The following NALF1 variants were observed in gnomAD, a reference collection of about 807,000 sequenced individuals.
NALF1 encodes the protein NALCN channel auxiliary factor 1.
NALF1 carries 3 observed loss-of-function variants against 48.4 expected under a neutral mutation model. That is an observed-to-expected ratio of 0.06 (90% CI 0.03 to 0.16). The LOEUF is 0.16. NALF1 is among the 10% of genes least tolerant of loss of function. The pLI is 1.00. For synonymous variants in NALF1, 262 were observed against 245.7 expected, an observed-to-expected ratio of 1.07 and a Z score of -0.62; for missense variants, 526 against 571.5, an observed-to-expected ratio of 0.92 and a Z score of 0.81.
chr13:107,738,053 T>C (rs970498685), intron 1 of NALF1, among the ~76,000 whole-genome samples: 1 of 152,170 alleles, frequency 6.6e-6, no homozygotes, highest in African/African-American at 2.4e-5. Flanking sequence ...AACACGGCTC[T>C]TTGCAGTCAG....
chr13:107,223,598 A>C (rs1171215747), intron 1 of NALF1, among the ~76,000 whole-genome samples: 1 of 152,238 alleles, frequency 6.6e-6, no homozygotes, highest in Non-Finnish European at 1.5e-5. Context: ...GAAGATACAC[A>C]GTTAAGTTGA....
Position 107,762,808 on chromosome 13 carries a change from G to GT in NALF1, c.915+102873dup, listed in dbSNP as rs112793615. ...CAGTACATTTAACAATGGTTAGGTG[G>GT]TAACTTTTATGTTATGTCTTCCTTA... On this transcript the variant is annotated intron_variant, in intron 1 of 2. Coordinates refer to ENST00000375915, the MANE Select transcript of NALF1 (RefSeq NM_001080396.3). 4.1e-4 allele frequency among the ~76,000 whole-genome samples: 63 copies of GT among 152,182 alleles called. 1 individual carries two copies. Among genetic ancestry groups the GT allele is most frequent in the African/African-American group, 1.5e-3 (62 of 41,522 alleles).
At chr13:107,284,113 T>C (rs976878064) in intron 1 of NALF1, among the ~76,000 whole-genome samples, 2 of 152,128 alleles carry the variant, frequency 1.3e-5, no homozygotes, top group African/African-American at 4.8e-5. Context: ...CACAGCCTAA[T>C]GTCTGGGAGA....
chr13:107,738,970 T>C (rs1168812241), intron 1 of NALF1, among the ~76,000 whole-genome samples: 4 of 152,134 alleles, frequency 2.6e-5, no homozygotes, highest in Non-Finnish European at 4.4e-5. Flanking sequence ...CTGAGTTCAG[T>C]ATAATTTTCA....
intron 1 of NALF1, among the ~76,000 whole-genome samples, chr13:107,792,386 C>T (rs1211667216): frequency 3.3e-5 from 5 of 152,098 alleles, no homozygotes; most frequent in South Asian, 4.1e-4. Flanking sequence ...GTGAAAGTGT[C>T]GCGGTGTCAC....
At chr13:107,477,292 C>A (rs1164380721) in intron 1 of NALF1, among the ~76,000 whole-genome samples, 1 of 152,042 alleles carries the variant, frequency 6.6e-6, no homozygotes, top group Admixed American at 6.6e-5. Context: ...GGAGCTTTCC[C>A]CAAACCAACA....
At chr13:107,588,438 G>A (rs181239826) in intron 1 of NALF1, among the ~76,000 whole-genome samples, 10 of 152,182 alleles carry the variant, frequency 6.6e-5, no homozygotes, top group Middle Eastern at 3.4e-3. Context: ...ACCTAAGCAT[G>A]CCTGGGAATA....
intron 1 of NALF1, among the ~76,000 whole-genome samples, chr13:107,811,704 G>A (rs923204157): frequency 2.6e-5 from 4 of 152,124 alleles, no homozygotes; most frequent in Non-Finnish European, 4.4e-5. Context: ...TTTGGCTCAT[G>A]GTTCTGAAAG....
intron 1 of NALF1, among the ~76,000 whole-genome samples, chr13:107,707,846 A>G (rs921056118): frequency 1.3e-5 from 2 of 152,166 alleles, no homozygotes; most frequent in Non-Finnish European, 2.9e-5. Flanking sequence ...TTGCTTGCAA[A>G]TAATAACTCT....
At chr13:107,407,501 G>T (rs1400344406) in intron 1 of NALF1, among the ~76,000 whole-genome samples, 1 of 152,080 alleles carries the variant, frequency 6.6e-6, no homozygotes, top group Non-Finnish European at 1.5e-5. Context: ...ACAGGTATAT[G>T]AAAAGGTGCT....
At chr13:107,350,452 A>G (rs1439862323) in intron 1 of NALF1, among the ~76,000 whole-genome samples, 1 of 152,196 alleles carries the variant, frequency 6.6e-6, no homozygotes, top group East Asian at 1.9e-4. Context: ...ACAGCAATAA[A>G]CCCGTTGCTA....
Position 107,828,565 on chromosome 13 carries a change from TTCTA to T in NALF1, c.915+37113_915+37116del, listed in dbSNP as rs56379915. Among the ~76,000 whole-genome samples the T allele has an allele frequency of 7.7e-4, 105 of 135,918 alleles. 1 individual carries two copies. Among genetic ancestry groups the T allele is most frequent in the East Asian group, 1.5e-3 (6 of 4,106 alleles). The allele number at this position is 135,918 out of a possible 152,430, so 89.2% of individuals were successfully genotyped here. On this transcript the variant is annotated intron_variant, in intron 1 of 2. Coordinates refer to ENST00000375915, the MANE Select transcript of NALF1 (RefSeq NM_001080396.3). ...AGAATAGGTAGAGAGTCATATTAAATTCTATCTATCTATCTATCTATCTATCTAT... is the reference window on the plus strand; with the variant it reads ...AGAATAGGTAGAGAGTCATATTAAATTCTATCTATCTATCTATCTATCTAT...
intron 1 of NALF1, among the ~76,000 whole-genome samples, chr13:107,308,612 A>C (rs987180411): frequency 1.3e-5 from 2 of 152,228 alleles, no homozygotes; most frequent in Admixed American, 1.3e-4. Context: ...ATGAATTACA[A>C]ATAGACTGTC....
intron 1 of NALF1, among the ~76,000 whole-genome samples, chr13:107,467,973 G>A (rs949886437): frequency 1.6e-4 from 25 of 151,700 alleles, no homozygotes; most frequent in African/African-American, 5.3e-4. Flanking sequence ...GCGTGAACCC[G>A]GGAGGCGGAG....
chr13:107,173,183 T>C (rs1878841370), intron 2 of NALF1, among the ~76,000 whole-genome samples: 1 of 152,236 alleles, frequency 6.6e-6, no homozygotes. Flanking sequence ...ACATGTTTTA[T>C]GCTCTTCTTG....
At chr13:107,822,998 C>T (rs932272956) in intron 1 of NALF1, among the ~76,000 whole-genome samples, 10 of 152,152 alleles carry the variant, frequency 6.6e-5, no homozygotes, top group African/African-American at 2.4e-4. Context: ...TCGGGTACTG[C>T]TGAGGTCTGC....
At chr13:107,574,499 A>G (rs185677354) in intron 1 of NALF1, among the ~76,000 whole-genome samples, 4 of 152,336 alleles carry the variant, frequency 2.6e-5, no homozygotes, top group Admixed American at 2.6e-4. Context: ...AATGTTAAAT[A>G]TGGTCATTGA....
At chr13:107,802,358 C>G (rs1878645998) in intron 1 of NALF1, among the ~76,000 whole-genome samples, 3 of 152,038 alleles carry the variant, frequency 2.0e-5, no homozygotes, top group Non-Finnish European at 4.4e-5. Flanking sequence ...TTTATTTTTC[C>G]ATTTACAGCC....
chr13:107,810,371 G>A (rs1244467142), intron 1 of NALF1, among the ~76,000 whole-genome samples: 1 of 151,760 alleles, frequency 6.6e-6, no homozygotes, highest in Non-Finnish European at 1.5e-5. Context: ...TTCAATGACT[G>A]GCCATCCTGA....
Sources: gnomAD v4.1 joint callset for allele counts (sites outside exome capture counted in the v4.1 genomes callset) on GRCh38, gnomAD v4.1.1 for gene constraint, MANE v1.5 for transcripts, NCBI Gene and HGNC (gene_info 2026-07-23, HGNC 2026-07-21) for gene names.